Variants in MED13L observed in about 807,000 individuals in gnomAD.
MED13L encodes the protein mediator of RNA polymerase II transcription subunit 13-like.
Under a neutral mutation model 220.9 loss-of-function variants are expected in MED13L, and 7 were observed. That is an observed-to-expected ratio of 0.03 (90% CI 0.02 to 0.06). MED13L has a LOEUF of 0.06. MED13L is among the 10% of genes least tolerant of loss of function. MED13L has a pLI of 1.00. For synonymous variants in MED13L, 1,011 were observed against 1,015.2 expected (o/e 1.00, Z 0.08); for missense variants, 1,965 against 2,760.5 (o/e 0.71, Z 6.46).
intron 3 of MED13L, among the ~76,000 whole-genome samples, chr12:116,108,402 C>CGG (rs1873786189): frequency 6.3e-5 from 1 of 15,862 alleles, no homozygotes; most frequent in African/African-American, 3.0e-4. Flanking sequence ...GGGGGGGGGG[C>CGG]GCGTGGGGGG....
intron 4 of MED13L, among the ~76,000 whole-genome samples, chr12:116,031,951 C>T (rs573629935): frequency 3.9e-5 from 6 of 151,906 alleles, no homozygotes; most frequent in Non-Finnish European, 8.8e-5. Context: ...TTGGTAGATA[C>T]AAGTTCAACA....
chr12:116,271,222 A>AGTGT (rs771999827), intron 1 of MED13L, among the ~76,000 whole-genome samples: 1 of 150,058 alleles, frequency 6.7e-6, no homozygotes, highest in Non-Finnish European at 1.5e-5. Flanking sequence ...TGTGTGTGTG[A>AGTGT]GTGTGTGCGC....
intron 4 of MED13L, among the ~76,000 whole-genome samples, chr12:116,087,511 A>C (rs1402231049): frequency 6.6e-6 from 1 of 152,216 alleles, no homozygotes; most frequent in Non-Finnish European, 1.5e-5. Flanking sequence ...CCTGCTGCCA[A>C]GTTGCTACAC....
intron 4 of MED13L, among the ~76,000 whole-genome samples, chr12:116,074,877 G>A (rs1438177934): frequency 6.6e-6 from 1 of 152,248 alleles, no homozygotes; most frequent in Non-Finnish European, 1.5e-5. Context: ...CAGAGAATGT[G>A]TAAGGATGGA....
intron 4 of MED13L, among the ~76,000 whole-genome samples, chr12:116,060,989 T>C (rs1277480038): frequency 6.6e-6 from 1 of 152,218 alleles, no homozygotes; most frequent in Admixed American, 6.5e-5. Flanking sequence ...TTCTTTTATT[T>C]TCTATCTCCT....
chr12:116,218,795 G>A (rs1034213881), intron 2 of MED13L, among the ~76,000 whole-genome samples: 3 of 151,712 alleles, frequency 2.0e-5, no homozygotes. Flanking sequence ...GTGCAGTGGT[G>A]CAATCTCAGC....
chr12:116,151,831 T>A (rs1878063472), intron 2 of MED13L, among the ~76,000 whole-genome samples: 1 of 152,192 alleles, frequency 6.6e-6, no homozygotes, highest in African/African-American at 2.4e-5. Flanking sequence ...TTCCTAAATC[T>A]AAGGACATTC....
At chr12:116,163,159 C>T (rs1565907254) in intron 2 of MED13L, among the ~76,000 whole-genome samples, 1 of 152,058 alleles carries the variant, frequency 6.6e-6, no homozygotes, top group Non-Finnish European at 1.5e-5. Flanking sequence ...TTACAAAATA[C>T]AAACAAAACT....
At chr12:116,146,029 C>G (rs534507289) in intron 2 of MED13L, among the ~76,000 whole-genome samples, 3 of 152,172 alleles carry the variant, frequency 2.0e-5, no homozygotes, top group Non-Finnish European at 4.4e-5. Context: ...ACCCACAGCC[C>G]GCGGGCCGCA....
chr12:116,204,319 A>C (rs1394946813), intron 2 of MED13L, among the ~76,000 whole-genome samples: 1 of 152,242 alleles, frequency 6.6e-6, no homozygotes, highest in Non-Finnish European at 1.5e-5. Flanking sequence ...CTCAGGAGTC[A>C]GGAGCTGCCA....
intron 14 of MED13L, among the ~76,000 whole-genome samples, chr12:115,998,046 T>G (rs1878516361): frequency 1.3e-5 from 2 of 152,178 alleles, no homozygotes; most frequent in Admixed American, 1.3e-4. Flanking sequence ...CAGTTCCATA[T>G]TTTTTCCAGA....
chr12:115,973,073 G>A (rs185555015), intron 25 of MED13L, among the ~76,000 whole-genome samples: 1 of 152,244 alleles, frequency 6.6e-6, no homozygotes, highest in East Asian at 1.9e-4. Flanking sequence ...CCCTTAAAGA[G>A]CAAGTGAATG....
At chr12:116,076,364 C>CT (rs566090290) in intron 4 of MED13L, among the ~76,000 whole-genome samples, 19 of 152,018 alleles carry the variant, frequency 1.2e-4, no homozygotes, top group Non-Finnish European at 2.4e-4. Context: ...TAGTAGGACT[C>CT]TATCTCTACA....
At chr12:116,216,831 CTTGAT>C (rs1222302934) in intron 2 of MED13L, among the ~76,000 whole-genome samples, 3 of 152,156 alleles carry the variant, frequency 2.0e-5, no homozygotes, top group Non-Finnish European at 4.4e-5. Context: ...CATTACTGTA[CTTGAT>C]TTGACACTGA....
At chr12:116,048,134 A>G (rs1221093629) in intron 4 of MED13L, among the ~76,000 whole-genome samples, 3 of 151,770 alleles carry the variant, frequency 2.0e-5, no homozygotes, top group African/African-American at 7.3e-5. Context: ...CCCATTTACT[A>G]CTCTCTGAAC....
rs558385895 is a variant in MED13L at position 116,145,659 on chromosome 12, CTATT to C, written c.311-34151_311-34148del. 6.2e-3 allele frequency among the ~76,000 whole-genome samples: 764 copies of C among 123,600 alleles called. 5 individuals carry two copies. The highest frequency in any genetic ancestry group is 0.014 in the African/African-American group (419 of 29,506). The allele number at this position is 123,600 out of a possible 152,430, so 81.1% of individuals were successfully genotyped here. On this transcript the variant is annotated intron_variant, in intron 2 of 30. Coordinates refer to ENST00000281928, the MANE Select transcript of MED13L (RefSeq NM_015335.5). ...ACAGGCACATGCACCACACTCAACT[CTATT>C]TATTTATTTATTTATTTATTTATTT...
At position 116,066,759 on chromosome 12, in the gene MED13L, TA is replaced by T. The variant is rs199896147; in HGVS notation, c.479+29909del. Among the ~76,000 whole-genome samples, 148 of 140,082 alleles carry T rather than the reference TA, an allele frequency of 1.1e-3. 2 individuals carry two copies. Among genetic ancestry groups the T allele is most frequent in the East Asian group, 4.1e-3 (20 of 4,876 alleles). 91.9% of individuals were successfully genotyped at this position (140,082 alleles called of 152,430 possible). On this transcript the variant is annotated intron_variant, in intron 4 of 30. Coordinates refer to ENST00000281928, the MANE Select transcript of MED13L (RefSeq NM_015335.5). The stretch of plus-strand genomic sequence containing the variant: ...GAATTTTCAACTTTCAAAATTGTAT[TA>T]AAAAAAAAAAAAACTCTAGAGCAAA...
chr12:116,131,029 T>C (rs932726514), intron 2 of MED13L, among the ~76,000 whole-genome samples: 6 of 152,330 alleles, frequency 3.9e-5, no homozygotes, highest in South Asian at 2.1e-4. Context: ...AAAATACATG[T>C]ATATTTTAAA....
At chr12:116,012,357 T>C (rs555501240) in intron 9 of MED13L, among the ~76,000 whole-genome samples, 1 of 152,340 alleles carries the variant, frequency 6.6e-6, no homozygotes, top group South Asian at 2.1e-4. Flanking sequence ...CTTTTAGCAG[T>C]TGTGACCAAA....
Sources: gnomAD v4.1 joint callset for allele counts (sites outside exome capture counted in the v4.1 genomes callset) on GRCh38, gnomAD v4.1.1 for gene constraint, MANE v1.5 for transcripts, NCBI Gene and HGNC (gene_info 2026-07-23, HGNC 2026-07-21) for gene names.